Variants in NPAS2 observed in about 807,000 individuals in gnomAD.
The protein encoded by NPAS2 is neuronal PAS domain protein 2.
NPAS2 carries 23 observed loss-of-function variants against 107.5 expected under a neutral mutation model. The observed-to-expected ratio is 0.21, with a 90% confidence interval of 0.15 to 0.30. The LOEUF (loss-of-function observed/expected upper bound fraction) is 0.30. Among genes scored for constraint, NPAS2 ranks in the 10% least tolerant of loss-of-function variants. NPAS2 has a pLI of 1.00. For missense variants in NPAS2, 756 were observed against 1,043.3 expected (o/e 0.72, Z 3.79); for synonymous variants, 403 against 417.5 (o/e 0.97, Z 0.42).
In NPAS2 at chr2:100,995,486, C is replaced by T. The variant is rs778292651; in HGVS notation, c.2379C>T (p.Tyr793=). Residue 793 remains tyrosine, a synonymous_variant, in exon 21 of 21, where the codon TAC becomes TAT. Transcript: ENST00000335681. ...CACAACAGCCAGGGACCCTGGGCTA[C>T]CCCCAACCACCCCCAGCACAGCCCC... ...TYSQQPGTLG[Y]PQPPPAQPQP... is the part of the protein sequence containing the mutation. The T allele has an allele frequency of 1.1e-5, 17 of 1,613,750 alleles. No individual in the cohort carries two copies. The highest frequency in any genetic ancestry group is 1.3e-5 in the Non-Finnish European group (15 of 1,179,966).
intron 1 of NPAS2, among the ~76,000 whole-genome samples, chr2:100,847,521 C>T (rs1248981216): frequency 6.6e-6 from 1 of 152,124 alleles, no homozygotes; most frequent in African/African-American, 2.4e-5. Context: ...AGGCACCCAC[C>T]ACCGCGCCTG....
chr2:100,832,468 CTG>C (rs1405442426), intron 1 of NPAS2, among the ~76,000 whole-genome samples: 1 of 152,198 alleles, frequency 6.6e-6, no homozygotes, highest in African/African-American at 2.4e-5. Context: ...TCCCGGTGCT[CTG>C]TGAAAAATGG....
At position 100,965,610 on chromosome 2, in the gene NPAS2, C is replaced by T; in HGVS notation, c.801-50C>T. The stretch of plus-strand genomic sequence containing the variant: ...GAAAGGCATGGCCACCAGGGTGAGC[C>T]CTGCAGGGTGTCTCCTCCCTGATGA... On this transcript the variant is annotated intron_variant, in intron 9 of 20. Transcript: ENST00000335681. This position sits in a 1 kb window ranked among gnomAD's most constrained non-coding sequence, Gnocchi z 4.3. The T allele has an allele frequency of 8.1e-7, 1 of 1,235,964 alleles. No homozygotes were observed. Among genetic ancestry groups the T allele is most frequent in the Non-Finnish European group, 1.2e-6 (1 of 842,746 alleles). 76.6% of individuals were successfully genotyped at this position (1,235,964 alleles called of 1,614,324 possible).
intron 2 of NPAS2, among the ~76,000 whole-genome samples, chr2:100,906,675 C>T (rs539027399): frequency 6.6e-6 from 1 of 152,292 alleles, no homozygotes; most frequent in South Asian, 2.1e-4. Flanking sequence ...ACTGCAACCT[C>T]CCTCTCCCGG....
chr2:100,924,208 A>C (rs1363576137), intron 2 of NPAS2, among the ~76,000 whole-genome samples: 3 of 152,136 alleles, frequency 2.0e-5, no homozygotes, highest in Non-Finnish European at 4.4e-5. Context: ...CCCCCACCAG[A>C]GTGGTGCATT....
At chr2:100,851,417 A>G (rs989616403) in intron 1 of NPAS2, among the ~76,000 whole-genome samples, 19 of 152,240 alleles carry the variant, frequency 1.2e-4, no homozygotes, top group African/African-American at 3.9e-4. Flanking sequence ...TGCAGTATAC[A>G]TCAAGGTCCT....
intron 1 of NPAS2, among the ~76,000 whole-genome samples, chr2:100,835,778 G>T (rs940697893): frequency 6.6e-6 from 1 of 151,994 alleles, no homozygotes; most frequent in African/African-American, 2.4e-5. Context: ...CATCATCCCG[G>T]GCCTGGAAAA....
intron 1 of NPAS2, among the ~76,000 whole-genome samples, chr2:100,835,121 G>A (rs1290129813): frequency 6.6e-6 from 1 of 152,146 alleles, no homozygotes; most frequent in African/African-American, 2.4e-5. Context: ...TTACAGACAC[G>A]AGTTTGCTCA....
intron 7 of NPAS2, among the ~76,000 whole-genome samples, chr2:100,955,131 T>C (rs1226083634): frequency 6.6e-6 from 1 of 152,156 alleles, no homozygotes; most frequent in Non-Finnish European, 1.5e-5. Context: ...CACCTTGGCC[T>C]ATCTGCTGTA....
chr2:100,819,560 C>A (rs1299973614), upstream of NPAS2, among the ~76,000 whole-genome samples: 1 of 152,144 alleles, frequency 6.6e-6, no homozygotes, highest in East Asian at 1.9e-4. The surrounding 1 kb of genome is among the most constrained non-coding windows in gnomAD (Gnocchi z 5.8). Flanking sequence ...TGGGTCGAGA[C>A]CTGCGCGCAA....
At chr2:100,969,424 A>G (rs946942404) in intron 11 of NPAS2, among the ~76,000 whole-genome samples, 26 of 151,400 alleles carry the variant, frequency 1.7e-4, no homozygotes, top group South Asian at 2.1e-4. Flanking sequence ...TCATTGTTCA[A>G]CTCCCATTTA....
At position 100,947,514 on chromosome 2, in the gene NPAS2, T is replaced by C. The variant is rs552327288; in HGVS notation, c.364-721T>C. Among the ~76,000 whole-genome samples the C allele has an allele frequency of 2.0e-5, 3 of 150,052 alleles. No homozygotes were observed. The South Asian group carries it at 6.3e-4, about 31-fold the overall frequency. On this transcript the variant is annotated intron_variant, in intron 5 of 20. Transcript: ENST00000335681. ...TGGCAGTGAGCCGAGATCACACCAT[T>C]GCACTCCAGCCTGGGCAACAAGAGC...
chr2:100,851,796 A>G (rs1205152049), intron 1 of NPAS2, among the ~76,000 whole-genome samples: 1 of 152,354 alleles, frequency 6.6e-6, no homozygotes, highest in African/African-American at 2.4e-5. Context: ...TCATGAGTCC[A>G]TGGAAGATTT....
rs148858541 is a variant in NPAS2 at position 100,850,953 on chromosome 2, C to CAAAAAAA, written c.-23+30560_-23+30566dup. ...GGGCAACAAGAGTGAAACTCTGTCT[C>CAAAAAAA]AAAAAAAAAAAAAAAAAAAAAAAAA... is the stretch of plus-strand genomic sequence containing the variant. On this transcript the variant is annotated intron_variant, in intron 1 of 20. Coordinates refer to ENST00000335681, the MANE Select transcript of NPAS2 (RefSeq NM_002518.4). Among the ~76,000 whole-genome samples, 339 of 41,852 alleles carry CAAAAAAA rather than the reference C, an allele frequency of 8.1e-3. 43 individuals carry two copies. Among genetic ancestry groups the CAAAAAAA allele is most frequent in the Admixed American group, 0.01 (21 of 2,068 alleles). The allele number at this position is 41,852 out of a possible 152,430, so 27.5% of individuals were successfully genotyped here. A position where few individuals can be genotyped will look rare whatever the true frequency, so the allele number is the denominator to read the frequency against.
chr2:100,850,588 G>T (rs73967683), intron 1 of NPAS2, among the ~76,000 whole-genome samples: 2 of 152,120 alleles, frequency 1.3e-5, no homozygotes, highest in Admixed American at 6.5e-5. Context: ...AGCAACCCGT[G>T]TGTCTGTCAC....
intron 1 of NPAS2, among the ~76,000 whole-genome samples, chr2:100,880,106 G>A (rs1680238603): frequency 6.6e-6 from 1 of 152,196 alleles, no homozygotes; most frequent in Non-Finnish European, 1.5e-5. Context: ...GAATTCTTTT[G>A]AAATAGAAAA....
chr2:100,943,306 T>G (rs1322042728), intron 5 of NPAS2, among the ~76,000 whole-genome samples: 2 of 152,260 alleles, frequency 1.3e-5, no homozygotes, highest in Admixed American at 6.5e-5. Context: ...ATTGAGTGTC[T>G]CTTTATATGT....
chr2:100,942,463 C>T (rs1004081063), intron 5 of NPAS2, among the ~76,000 whole-genome samples: 8 of 151,902 alleles, frequency 5.3e-5, no homozygotes, highest in African/African-American at 1.9e-4. Flanking sequence ...AGAGCCCTGA[C>T]AGGTGCAGCT....
chr2:100,840,445 A>G (rs1677327070), intron 1 of NPAS2, among the ~76,000 whole-genome samples: 1 of 152,116 alleles, frequency 6.6e-6, no homozygotes, highest in African/African-American at 2.4e-5. Context: ...GCTCATTTGA[A>G]TGGAGACCCA....
Sources: gnomAD v4.1 joint callset for allele counts (sites outside exome capture counted in the v4.1 genomes callset) on GRCh38, gnomAD v4.1.1 for gene constraint, Gnocchi (gnomAD v3.1) non-coding constraint, MANE v1.5 for transcripts, NCBI Gene and HGNC (gene_info 2026-07-23, HGNC 2026-07-21) for gene names.